NXPH2: variants seen among roughly 807,000 people sequenced by gnomAD.
NXPH2 encodes the protein neurexophilin 2.
NXPH2 carries 5 observed loss-of-function variants against 19.8 expected under a neutral mutation model. The ratio of observed to expected loss-of-function variants is 0.25; its 90% CI spans 0.13 to 0.53. The LOEUF (loss-of-function observed/expected upper bound fraction) is 0.53, where lower values mean the gene tolerates loss of function less well. Among genes scored for constraint, NXPH2 ranks in the 20% least tolerant of loss-of-function variants. The pLI, the probability that NXPH2 is intolerant of heterozygous loss-of-function variation, is 0.96. For synonymous variants in NXPH2, 154 were observed against 127.4 expected, an observed-to-expected ratio of 1.21 and a Z score of -1.41; for missense variants, 289 against 322.8, an observed-to-expected ratio of 0.90 and a Z score of 0.80.
intron 1 of NXPH2, among the ~76,000 whole-genome samples, chr2:138,759,825 G>T (rs1681980356): frequency 6.6e-6 from 1 of 151,058 alleles, no homozygotes; most frequent in Admixed American, 6.6e-5. Context: ...CGCCTCCCAG[G>T]TTCACGCCAT....
intron 1 of NXPH2, among the ~76,000 whole-genome samples, chr2:138,710,341 G>A (rs767763900): frequency 8.5e-5 from 13 of 152,052 alleles, no homozygotes; most frequent in Non-Finnish European, 1.6e-4. Context: ...TCCCACCTTT[G>A]GCAATTGTGA....
chr2:138,753,792 G>C (rs1357688738), intron 1 of NXPH2, among the ~76,000 whole-genome samples: 1 of 151,996 alleles, frequency 6.6e-6, no homozygotes, highest in East Asian at 1.9e-4. Flanking sequence ...TGACTTAATT[G>C]ATCTATTCCA....
chr2:138,736,382 T>A (rs144121913), intron 1 of NXPH2, among the ~76,000 whole-genome samples: 2 of 152,330 alleles, frequency 1.3e-5, no homozygotes, highest in Non-Finnish European at 2.9e-5. Context: ...TTCAACACTA[T>A]GTGGAAGCTG....
At chr2:138,684,050 T>C (rs982986458) in intron 1 of NXPH2, among the ~76,000 whole-genome samples, 2 of 152,222 alleles carry the variant, frequency 1.3e-5, no homozygotes, top group Non-Finnish European at 2.9e-5. Flanking sequence ...CTGATAATTG[T>C]GTTAAAAGTA....
At chr2:138,694,208 C>T (rs916978922) in intron 1 of NXPH2, among the ~76,000 whole-genome samples, 3 of 152,174 alleles carry the variant, frequency 2.0e-5, no homozygotes, top group African/African-American at 7.2e-5. Context: ...AGCACTACAC[C>T]GCTTTTGGTT....
At chr2:138,680,009 A>G (rs1680548887) in intron 1 of NXPH2, among the ~76,000 whole-genome samples, 1 of 152,044 alleles carries the variant, frequency 6.6e-6, no homozygotes, top group Non-Finnish European at 1.5e-5. Context: ...GAATTTACCC[A>G]ATCAGAAAAA....
intron 1 of NXPH2, 62 bp from the exon 2 acceptor site, chr2:138,671,727 T>C: frequency 2.0e-6 from 3 of 1,470,716 alleles, no homozygotes; most frequent in South Asian, 1.4e-5. Flanking sequence ...GCACTCAAAC[T>C]GAAGTCAAAG....
At chr2:138,753,073 C>A (rs1681849774) in intron 1 of NXPH2, among the ~76,000 whole-genome samples, 1 of 152,128 alleles carries the variant, frequency 6.6e-6, no homozygotes, top group Admixed American at 6.6e-5. Context: ...ATGCACAGCC[C>A]ACGCTTAAGT....
chr2:138,771,440 G>A (rs114590445), intron 1 of NXPH2, among the ~76,000 whole-genome samples: 2 of 151,838 alleles, frequency 1.3e-5, no homozygotes, highest in South Asian at 4.2e-4. Flanking sequence ...GCAGGCAGGG[G>A]TGAGGATGGC....
intron 1 of NXPH2, among the ~76,000 whole-genome samples, chr2:138,718,594 G>A (rs1412070157): frequency 1.3e-5 from 2 of 152,132 alleles, no homozygotes. Flanking sequence ...GAGTCAGAAA[G>A]GTAGCAGCTG....
chr2:138,708,766 C>T (rs114310159), intron 1 of NXPH2, among the ~76,000 whole-genome samples: 2 of 152,256 alleles, frequency 1.3e-5, no homozygotes, highest in East Asian at 1.9e-4. Context: ...AGTTGGATTC[C>T]AACCTCTCCT....
chr2:138,739,819 AAC>A (rs1387658221), intron 1 of NXPH2, among the ~76,000 whole-genome samples: 2 of 152,202 alleles, frequency 1.3e-5, no homozygotes, highest in Admixed American at 1.3e-4. Flanking sequence ...ACAAAAAATA[AAC>A]ATAAGCAAGC....
chr2:138,770,454 A>G (rs1573984748), intron 1 of NXPH2, among the ~76,000 whole-genome samples: 3 of 152,268 alleles, frequency 2.0e-5, no homozygotes, highest in East Asian at 3.9e-4. Context: ...GAATTATTCA[A>G]TAATATTTTG....
rs937488500 is a variant in NXPH2 at position 138,780,138 on chromosome 2, C to T, written c.51+53G>A. The T allele has an allele frequency of 2.1e-6, 3 of 1,462,902 alleles. No homozygotes were observed. In the East Asian group the frequency reaches 8.9e-5, roughly 43 times the overall value. The allele number at this position is 1,462,902 out of a possible 1,614,324, so 90.6% of individuals were successfully genotyped here. A position where few individuals can be genotyped will look rare whatever the true frequency, so the allele number is the denominator to read the frequency against. ...CCAAGTCAGCCGCCTGCGCGGTTTTCCCGCCGAAACGCGTCCCCGGCGTGT... is the reference window on the plus strand; with the variant it reads ...CCAAGTCAGCCGCCTGCGCGGTTTTTCCGCCGAAACGCGTCCCCGGCGTGT... On this transcript the variant is annotated intron_variant, in intron 1 of 1. Transcript: ENST00000272641.
At chr2:138,747,272 T>C (rs1282068970) in intron 1 of NXPH2, among the ~76,000 whole-genome samples, 1 of 152,162 alleles carries the variant, frequency 6.6e-6, no homozygotes, top group East Asian at 1.9e-4. Flanking sequence ...CCTTGCCCAG[T>C]GAACCTTGCT....
chr2:138,766,419 T>C (rs1488022197), intron 1 of NXPH2, among the ~76,000 whole-genome samples: 1 of 152,190 alleles, frequency 6.6e-6, no homozygotes, highest in Admixed American at 6.5e-5. Context: ...AGGGGACATT[T>C]GTCAATGTCT....
intron 1 of NXPH2, among the ~76,000 whole-genome samples, chr2:138,709,032 C>G (rs887108219): frequency 1.3e-5 from 2 of 152,178 alleles, no homozygotes; most frequent in Non-Finnish European, 2.9e-5. Context: ...CTTCAGAAAC[C>G]AGCACTTCAA....
Position 138,718,943 on chromosome 2 carries a change from T to C in NXPH2, c.52-47278A>G, listed in dbSNP as rs11888614. Among the ~76,000 whole-genome samples, 317 of 151,920 alleles carry C rather than the reference T, an allele frequency of 2.1e-3. 1 individual carries two copies. The highest frequency in any genetic ancestry group is 7.2e-3 in the African/African-American group (300 of 41,464). On this transcript the variant is annotated intron_variant, in intron 1 of 1. Coordinates refer to ENST00000272641, the MANE Select transcript of NXPH2 (RefSeq NM_007226.3). ...TAGAATTTCTAAATCTGGAAGTCAA[T>C]AGCTACTTGCTAAAGTTGGGGGGTG...
At chr2:138,779,118 G>T in intron 1 of NXPH2, among the ~76,000 whole-genome samples, 1 of 152,310 alleles carries the variant, frequency 6.6e-6, no homozygotes, top group East Asian at 1.9e-4. Context: ...ACGAGAGAGA[G>T]AGCGAGCGAG....
Sources: gnomAD v4.1 joint callset for allele counts (sites outside exome capture counted in the v4.1 genomes callset) on GRCh38, gnomAD v4.1.1 for gene constraint, MANE v1.5 for transcripts, NCBI Gene and HGNC (gene_info 2026-07-23, HGNC 2026-07-21) for gene names.